Variants in CCDC33 observed in about 807,000 individuals in gnomAD.
CCDC33 encodes the protein coiled-coil domain-containing protein 33.
A neutral mutation model predicts 91.9 loss-of-function variants in CCDC33; 94 were observed. That is an observed-to-expected ratio of 1.02 (90% CI 0.87 to 1.21). CCDC33 has a LOEUF of 1.21. Ranked by LOEUF, CCDC33 falls within the 50% of genes most tolerant of loss-of-function variation. The pLI is 0.00. For synonymous variants in CCDC33, 396 were observed against 374.5 expected, an observed-to-expected ratio of 1.06 and a Z score of -0.66; for missense variants, 940 against 935.5, an observed-to-expected ratio of 1.00 and a Z score of -0.06.
At chr15:74,263,907 A>G (rs1296390807) in intron 3 of CCDC33, among the ~76,000 whole-genome samples, 3 of 152,090 alleles carry the variant, frequency 2.0e-5, no homozygotes, top group Admixed American at 6.6e-5. Context: ...CTCTGTGTGT[A>G]TGCATGCATG....
In CCDC33 at chr15:74,332,806, C is replaced by T. The variant is rs1272147568; in HGVS notation, c.1899C>T (p.His633=). ...KLRTELDKNR[H]QQAPIILQQQ... ...GGACGGAGCTGGATAAGAACCGCCA[C>T]CAGCAGGCCCCCATCATTCTGCAGC... Residue 633 remains histidine, a synonymous_variant, in exon 16 of 19, where the codon CAC becomes CAT. Coordinates refer to ENST00000398814, the MANE Select transcript of CCDC33 (RefSeq NM_025055.5). 1.9e-6 allele frequency: 3 copies of T among 1,614,204 alleles called. No individual in the cohort carries two copies. Among genetic ancestry groups the T allele is most frequent in the South Asian group, 1.1e-5 (1 of 91,086 alleles).
At chr15:74,234,873 A>G (rs2075098068), upstream of CCDC33, among the ~76,000 whole-genome samples, 1 of 152,198 alleles carries the variant, frequency 6.6e-6, no homozygotes, top group African/African-American at 2.4e-5. Flanking sequence ...CAGCCCTGAG[A>G]ATGAGTGCTT....
intron 9 of CCDC33, 51 bp from the exon 10 acceptor site, chr15:74,281,727 G>A (rs756613867): frequency 2.0e-6 from 3 of 1,504,580 alleles, no homozygotes; most frequent in South Asian, 2.3e-5. Context: ...TGGGGCAGAG[G>A]CGGAAGCTGC....
chr15:74,265,748 G>A (rs2076150101), intron 3 of CCDC33, among the ~76,000 whole-genome samples: 1 of 152,238 alleles, frequency 6.6e-6, no homozygotes, highest in Admixed American at 6.5e-5. Flanking sequence ...TACCGGCCGG[G>A]TGCGGTGGCC....
intron 2 of CCDC33, among the ~76,000 whole-genome samples, chr15:74,256,125 A>G (rs1054045007): frequency 2.6e-5 from 4 of 152,118 alleles, no homozygotes; most frequent in Non-Finnish European, 4.4e-5. Context: ...GGCGCCAGGA[A>G]TCATAATGCT....
chr15:74,263,887 G>T (rs558502372), intron 3 of CCDC33, among the ~76,000 whole-genome samples: 1 of 152,262 alleles, frequency 6.6e-6, no homozygotes, highest in East Asian at 1.9e-4. Context: ...TGTATAGATC[G>T]TGTGTGTGGC....
chr15:74,268,531 T>C, intron 5 of CCDC33, 73 bp downstream of exon 5: 1 of 1,181,260 alleles, frequency 8.5e-7, no homozygotes, highest in African/African-American at 1.5e-5. Flanking sequence ...GCCCCACGCC[T>C]TGCCCTTAGC....
chr15:74,318,615 C>T (rs2060143407), intron 11 of CCDC33: 2 of 752,050 alleles, frequency 2.7e-6, no homozygotes, highest in Non-Finnish European at 2.5e-6. Flanking sequence ...CCCCCATCCC[C>T]TCCAGCCCCC....
intron 10 of CCDC33, among the ~76,000 whole-genome samples, chr15:74,283,616 GT>G (rs756430619): frequency 6.6e-5 from 10 of 152,166 alleles, no homozygotes; most frequent in Non-Finnish European, 4.4e-5. Context: ...GCTGCTGAGT[GT>G]TTTGATCTGG....
chr15:74,203,051 C>T, exon 1 of CCDC33: 1 of 985,898 alleles, frequency 1.0e-6, no homozygotes, highest in Non-Finnish European at 1.2e-6. Context: ...CCCGCCACAT[C>T]TGCAGTGCCG....
chr15:74,203,043 C>G (rs1027710123), exon 1 of CCDC33: 115 of 985,786 alleles, frequency 1.2e-4, no homozygotes, highest in Non-Finnish European at 1.3e-4. Flanking sequence ...AGCCCCTGCC[C>G]GCCACATCTG....
intron 11 of CCDC33, chr15:74,318,455 C>G: frequency 1.8e-6 from 1 of 555,226 alleles, no homozygotes; most frequent in East Asian, 3.4e-5. Context: ...ACCCCCCACC[C>G]TGGAACAAAG....
chr15:74,281,927 C>A, intron 10 of CCDC33, 78 bp downstream of exon 10: 2 of 1,327,566 alleles, frequency 1.5e-6, no homozygotes, highest in Non-Finnish European at 2.2e-6. Context: ...CAATTGCTGG[C>A]TTTGTTCAGG....
chr15:74,331,405 G>T, intron 15 of CCDC33, 109 bp downstream of exon 15: 1 of 1,103,100 alleles, frequency 9.1e-7, no homozygotes, highest in Admixed American at 2.2e-5. Flanking sequence ...GAGGTCCCCT[G>T]CACTCAGTTA....
chr15:74,310,893 G>C (rs1356250690), intron 11 of CCDC33, among the ~76,000 whole-genome samples: 1 of 152,224 alleles, frequency 6.6e-6, no homozygotes, highest in African/African-American at 2.4e-5. Flanking sequence ...GCCTCAAGAG[G>C]CAAAGCTGAA....
chr15:74,212,289 T>C (rs1462278445), upstream of CCDC33: 1 of 152,314 alleles, frequency 6.6e-6, no homozygotes, highest in Non-Finnish European at 1.5e-5. Context: ...TCAGTGCTGC[T>C]GAGCAGTAAG....
At chr15:74,292,998 C>T (rs2059613196) in intron 10 of CCDC33, among the ~76,000 whole-genome samples, 1 of 152,082 alleles carries the variant, frequency 6.6e-6, no homozygotes, top group Non-Finnish European at 1.5e-5. Flanking sequence ...TTTCAGAATC[C>T]ACATACAAGT....
intron 2 of CCDC33, among the ~76,000 whole-genome samples, chr15:74,260,763 C>A (rs2076002133): frequency 6.6e-6 from 1 of 152,098 alleles, no homozygotes; most frequent in South Asian, 2.1e-4. Context: ...GAACTGGGGG[C>A]ATGATGGGGA....
intron 11 of CCDC33, among the ~76,000 whole-genome samples, chr15:74,297,086 G>A (rs867770396): frequency 2.6e-5 from 4 of 152,174 alleles, no homozygotes; most frequent in Non-Finnish European, 4.4e-5. Flanking sequence ...CCCATCAGAC[G>A]AATAGGAAGG....
Sources: allele counts gnomAD v4.1 joint callset (sites outside exome capture counted in the v4.1 genomes callset), GRCh38; gene constraint gnomAD v4.1.1; transcripts MANE v1.5; gene names NCBI Gene and HGNC (gene_info 2026-07-23, HGNC 2026-07-21).